GREM2: variants seen among roughly 807,000 people sequenced by gnomAD.
GREM2 encodes gremlin-2.
In GREM2, 11 loss-of-function variants were observed where a neutral mutation model predicts 14.2. That is an observed-to-expected ratio of 0.78 (90% confidence interval 0.49 to 1.28). The LOEUF (loss-of-function observed/expected upper bound fraction) is 1.28. Among genes scored for constraint, GREM2 ranks in the 50% most tolerant of loss-of-function variants. The probability of loss-of-function intolerance (pLI) is 0.00; values close to 1 mark genes in which losing one functional copy is unlikely to be tolerated. For missense variants in GREM2, 210 were observed against 218.5 expected, an observed-to-expected ratio of 0.96 and a Z score of 0.24; for synonymous variants, 98 against 97.6, an observed-to-expected ratio of 1.00 and a Z score of -0.02.
rs1043063405 is a variant in GREM2 at position 240,492,000 on chromosome 1, T to C, written c.*969A>G. Reference sequence around the variant, plus strand: ...TAAAAATAGGTGCATGACAGTGAATTGCTGACCAGGCATTTTTTTTTCTGA... The same window carrying C: ...TAAAAATAGGTGCATGACAGTGAATCGCTGACCAGGCATTTTTTTTTCTGA... On this transcript the variant is annotated 3_prime_UTR_variant, in exon 2 of 2. Coordinates refer to ENST00000318160, the MANE Select transcript of GREM2 (RefSeq NM_022469.4). The C allele has an allele frequency of 4.9e-6, 1 of 203,860 alleles. No homozygotes were observed. The highest frequency in any genetic ancestry group is 2.3e-5 in the African/African-American group (1 of 43,694). 12.6% of individuals were successfully genotyped at this position (203,860 alleles called of 1,614,324 possible).
intron 1 of GREM2, among the ~76,000 whole-genome samples, chr1:240,581,453 T>G (rs970065205): frequency 5.3e-5 from 8 of 152,152 alleles, no homozygotes; most frequent in African/African-American, 1.9e-4. Context: ...CGCTCATAGA[T>G]TGTAGCTATT....
intron 1 of GREM2, among the ~76,000 whole-genome samples, chr1:240,551,691 C>T (rs753259251): frequency 2.0e-5 from 3 of 151,642 alleles, no homozygotes; most frequent in Non-Finnish European, 1.5e-5. Context: ...ATGAGGTACA[C>T]TTAAAATGTA....
At chr1:240,591,452 G>T (rs549278190) in intron 1 of GREM2, among the ~76,000 whole-genome samples, 15 of 152,176 alleles carry the variant, frequency 9.9e-5, no homozygotes, top group Non-Finnish European at 1.8e-4. Flanking sequence ...GATGAAGGGG[G>T]CTGGTGTTGA....
At chr1:240,531,220 C>A (rs1336633833) in intron 1 of GREM2, among the ~76,000 whole-genome samples, 1 of 152,204 alleles carries the variant, frequency 6.6e-6, no homozygotes, top group Admixed American at 6.5e-5. Context: ...CACTTTCTGG[C>A]ACAGACTGAT....
chr1:240,507,188 G>C (rs370482621), intron 1 of GREM2, among the ~76,000 whole-genome samples: 4 of 152,208 alleles, frequency 2.6e-5, no homozygotes, highest in African/African-American at 4.8e-5. Flanking sequence ...AGATTACTGA[G>C]CGGTAGAGTA....
At chr1:240,553,662 A>G (rs1678899738) in intron 1 of GREM2, among the ~76,000 whole-genome samples, 1 of 152,238 alleles carries the variant, frequency 6.6e-6, no homozygotes, top group South Asian at 2.1e-4. Context: ...TCTGAGACCA[A>G]TTGAAATGAA....
intron 1 of GREM2, among the ~76,000 whole-genome samples, chr1:240,550,936 T>C (rs1045321103): frequency 2.6e-5 from 4 of 152,190 alleles, no homozygotes; most frequent in Non-Finnish European, 5.9e-5. Flanking sequence ...AGCAAAATCA[T>C]GAAGACCAGT....
intron 1 of GREM2, among the ~76,000 whole-genome samples, chr1:240,525,796 G>C (rs762260490): frequency 1.3e-5 from 2 of 152,180 alleles, no homozygotes; most frequent in Non-Finnish European, 2.9e-5. Context: ...TACTATCTTA[G>C]AGTTCTGTCG....
intron 1 of GREM2, among the ~76,000 whole-genome samples, chr1:240,538,430 G>A (rs115652434): frequency 6.6e-5 from 10 of 152,054 alleles, no homozygotes; most frequent in Non-Finnish European, 2.9e-5. Flanking sequence ...GGCCAGGTGC[G>A]ATGGCTCACG....
chr1:240,493,090 G>A lies in GREM2; in HGVS notation c.386C>T (p.Thr129Ile), dbSNP rs1461565811. 6.2e-7 allele frequency: 1 copy of A among 1,614,014 alleles called. No individual in the cohort carries two copies. Among genetic ancestry groups the A allele is most frequent in the East Asian group, 2.2e-5 (1 of 44,870 alleles). ...GCACTCGAGCTCCACGAGGACGGAGGTGACGCGCTGGGGCTTGCAGAAGGC... is the reference window on the plus strand; with the variant it reads ...GCACTCGAGCTCCACGAGGACGGAGATGACGCGCTGGGGCTTGCAGAAGGC... ...SCAFCKPQRV[T>I]SVLVELECPG... The change falls in exon 2 of 2, where the codon ACC (threonine) becomes ATC (isoleucine). Residue 129 changes from threonine (T) to isoleucine (I), a missense_variant. Coordinates refer to ENST00000318160, the MANE Select transcript of GREM2 (RefSeq NM_022469.4).
chr1:240,531,959 G>A (rs796727241), intron 1 of GREM2, among the ~76,000 whole-genome samples: 12 of 152,090 alleles, frequency 7.9e-5, no homozygotes, highest in African/African-American at 2.9e-4. Context: ...TAGACACTTT[G>A]TTTCCTGTCC....
intron 1 of GREM2, among the ~76,000 whole-genome samples, chr1:240,517,072 A>G (rs140382488): frequency 2.8e-4 from 43 of 152,342 alleles, no homozygotes; most frequent in African/African-American, 1.0e-3. Flanking sequence ...TGAGGATTAA[A>G]TAAGGTAATA....
intron 1 of GREM2, among the ~76,000 whole-genome samples, chr1:240,605,873 T>C (rs968488038): frequency 6.6e-6 from 1 of 152,102 alleles, no homozygotes; most frequent in Non-Finnish European, 1.5e-5. Context: ...TCAAAATTGT[T>C]GATTTAGTAT....
chr1:240,592,502 A>G (rs1679732824), intron 1 of GREM2, among the ~76,000 whole-genome samples: 2 of 152,202 alleles, frequency 1.3e-5, no homozygotes, highest in African/African-American at 2.4e-5. Flanking sequence ...ATATCCTCTG[A>G]CAAATAAGGT....
At chr1:240,529,175 C>A (rs1371602071) in intron 1 of GREM2, among the ~76,000 whole-genome samples, 1 of 151,156 alleles carries the variant, frequency 6.6e-6, no homozygotes, top group Non-Finnish European at 1.5e-5. Context: ...AAGTTTGGAC[C>A]CAATGATGTC....
intron 1 of GREM2, among the ~76,000 whole-genome samples, chr1:240,565,833 G>A (rs1465243222): frequency 1.4e-5 from 2 of 144,782 alleles, no homozygotes; most frequent in Admixed American, 6.9e-5. Context: ...GTGACAGAGT[G>A]AGACTCTGTC....
chr1:240,592,012 C>G (rs1183231096), intron 1 of GREM2, among the ~76,000 whole-genome samples: 1 of 152,174 alleles, frequency 6.6e-6, no homozygotes, highest in African/African-American at 2.4e-5. Flanking sequence ...ATATAAAAGT[C>G]TGTGATGGAG....
chr1:240,510,652 G>C (rs1677803688), intron 1 of GREM2, among the ~76,000 whole-genome samples: 1 of 152,132 alleles, frequency 6.6e-6, no homozygotes, highest in Non-Finnish European at 1.5e-5. Context: ...TCAATTAAAA[G>C]AAATGAATTA....
intron 1 of GREM2, among the ~76,000 whole-genome samples, chr1:240,515,426 T>TC (rs936459539): frequency 1.3e-5 from 2 of 152,170 alleles, no homozygotes; most frequent in Admixed American, 1.3e-4. Context: ...TGTTACTTTC[T>TC]CCCCCTTTAA....
Sources: gnomAD v4.1 joint callset for allele counts (sites outside exome capture counted in the v4.1 genomes callset) on GRCh38, gnomAD v4.1.1 for gene constraint, MANE v1.5 for transcripts, NCBI Gene and HGNC (gene_info 2026-07-23, HGNC 2026-07-21) for gene names.